The following GOSR2 variants were observed in gnomAD, a reference collection of about 807,000 sequenced individuals.
GOSR2 encodes golgi SNAP receptor complex member 2, also known as 27 kDa Golgi SNARE protein.
GOSR2 carries 20 observed loss-of-function variants against 27.9 expected under a neutral mutation model. The ratio of observed to expected loss-of-function variants is 0.72; its 90% confidence interval spans 0.50 to 1.04. The LOEUF (loss-of-function observed/expected upper bound fraction) is 1.04, where lower values mean the gene tolerates loss of function less well. Ranked by LOEUF, GOSR2 falls within the 50% of genes least tolerant of loss-of-function variation. The pLI is 0.00. For synonymous variants in GOSR2, 91 were observed against 98.8 expected (o/e 0.92, Z 0.47); for missense variants, 261 against 270.5 (o/e 0.97, Z 0.25).
Position 46,941,694 on chromosome 17 carries a change from C to G in GOSR2, c.*2934C>G, listed in dbSNP as rs2089295299. The G allele has an allele frequency of 1.2e-5, 2 of 160,578 alleles. No individual in the cohort carries two copies. The highest frequency in any genetic ancestry group is 4.8e-5 in the African/African-American group (2 of 41,608). 9.9% of individuals were successfully genotyped at this position (160,578 alleles called of 1,614,324 possible). ...GTTCAGGTGATCCTCATACCTCAGC[C>G]TCCTGAGTAGCTGGAACTACAAGTG... On this transcript the variant is annotated 3_prime_UTR_variant, in exon 6 of 6. Transcript: ENST00000640051.
chr17:46,947,770 G>A (rs1383104029), intron 6 of GOSR2, among the ~76,000 whole-genome samples: 5 of 151,550 alleles, frequency 3.3e-5, no homozygotes, highest in African/African-American at 1.2e-4. Context: ...ACTAGAAATA[G>A]TTTTTTTTTC....
At chr17:46,960,291 A>G (rs991114048) in intron 6 of GOSR2, among the ~76,000 whole-genome samples, 2 of 152,232 alleles carry the variant, frequency 1.3e-5, no homozygotes, top group African/African-American at 4.8e-5. Flanking sequence ...TAGACACACA[A>G]TGAGGTGTCA....
chr17:46,963,099 C>T (rs2147311841), intron 6 of GOSR2, among the ~76,000 whole-genome samples: 1 of 152,294 alleles, frequency 6.6e-6, no homozygotes, highest in Middle Eastern at 3.4e-3. Flanking sequence ...CATTATGTGG[C>T]CAAGTGGGAG....
intron 6 of GOSR2, among the ~76,000 whole-genome samples, chr17:46,951,101 C>T (rs181109797): frequency 1.3e-5 from 2 of 152,316 alleles, no homozygotes; most frequent in African/African-American, 2.4e-5. Flanking sequence ...ACGCCAAAGG[C>T]TTCTCCAGCT....
chr17:46,973,579 A>G (rs1268538458), intron 6 of GOSR2, among the ~76,000 whole-genome samples: 2 of 152,150 alleles, frequency 1.3e-5, no homozygotes, highest in African/African-American at 2.4e-5. Context: ...TAATAGAACT[A>G]TGACTGCAAG....
At position 46,940,633 on chromosome 17, in the gene GOSR2, T is replaced by C. The variant is rs754519349; in HGVS notation, c.*1873T>C. ...AGCTGAGCCATTTGTTCTTGAACTC[T>C]GGGAGGCAGAAGTCCCCGCACCCAT... is the stretch of plus-strand genomic sequence containing the variant. On this transcript the variant is annotated 3_prime_UTR_variant, in exon 6 of 6. Coordinates refer to ENST00000640051, the MANE Select transcript of GOSR2 (RefSeq NM_004287.5). The C allele has an allele frequency of 6.2e-7, 1 of 1,614,074 alleles. No individual in the cohort carries two copies. The highest frequency in any genetic ancestry group is 1.3e-5 in the African/African-American group (1 of 75,064).
chr17:46,969,856 C>T (rs1025250577), downstream of GOSR2, among the ~76,000 whole-genome samples: 3 of 152,166 alleles, frequency 2.0e-5, no homozygotes, highest in Non-Finnish European at 4.4e-5. Context: ...TGTTACCTTT[C>T]GCGATCCCCT....
chr17:46,930,765 A>T (rs1034141680), intron 2 of GOSR2: 20 of 233,104 alleles, frequency 8.6e-5, no homozygotes, highest in Admixed American at 7.3e-4. Flanking sequence ...AAAGAGACCT[A>T]TATCAGAAAA....
rs1365698385 is a variant in GOSR2, at chr17:46,941,962, A to G, written c.*3202A>G. The G allele has an allele frequency of 2.0e-6, 2 of 985,084 alleles. No individual in the cohort carries two copies. The highest frequency in any genetic ancestry group is 1.7e-5 in the African/African-American group (1 of 57,222). 61.0% of individuals were successfully genotyped at this position (985,084 alleles called of 1,614,324 possible). On this transcript the variant is annotated 3_prime_UTR_variant, in exon 6 of 6. Transcript: ENST00000640051. ...AAGCTTCTGTCTCAAAGATGATCAC[A>G]TTGGTGTAAAGAGCAAAACTTGTTA...
At position 46,939,447 on chromosome 17, in the gene GOSR2, C is replaced by G; in HGVS notation, c.*687C>G. 3 of 988,648 alleles carry G rather than the reference C, an allele frequency of 3.0e-6. No individual in the cohort carries two copies. The highest frequency in any genetic ancestry group is 3.6e-6 in the Non-Finnish European group (3 of 831,600). 61.2% of individuals were successfully genotyped at this position (988,648 alleles called of 1,614,324 possible). A position where few individuals can be genotyped will look rare whatever the true frequency, so the allele number is the denominator to read the frequency against. ...GTGTTATTTCCCGGGAGTGTTCAGT[C>G]TTGACCCTAGTCACTGATTTTTTCT... is the stretch of plus-strand genomic sequence containing the variant. On this transcript the variant is annotated 3_prime_UTR_variant, in exon 6 of 6. Coordinates refer to ENST00000640051, the MANE Select transcript of GOSR2 (RefSeq NM_004287.5).
At chr17:46,972,160 G>T (rs2091399784) in intron 6 of GOSR2, among the ~76,000 whole-genome samples, 1 of 152,194 alleles carries the variant, frequency 6.6e-6, no homozygotes, top group African/African-American at 2.4e-5. Flanking sequence ...CAGGCTGTGT[G>T]CTGACAGAAC....
At chr17:46,965,966 A>T (rs1030093849) in intron 6 of GOSR2, among the ~76,000 whole-genome samples, 1 of 151,976 alleles carries the variant, frequency 6.6e-6, no homozygotes, top group Non-Finnish European at 1.5e-5. Context: ...TGCTGTTTAT[A>T]ATGATGCAGG....
intron 1 of GOSR2, among the ~76,000 whole-genome samples, chr17:46,928,403 AGAGTCCAGCAGGCC>A (rs1175717100): frequency 6.6e-6 from 1 of 152,118 alleles, no homozygotes; most frequent in Non-Finnish European, 1.5e-5. Context: ...GGATGATGTG[AGAGTCCAGCAGGCC>A]CCCTTCATGT....
intron 1 of GOSR2, chr17:46,923,989 A>T: frequency 2.5e-6 from 1 of 397,198 alleles, no homozygotes. Flanking sequence ...AATATACACA[A>T]CATAAGATTT....
chr17:46,936,768 T>C (rs1375122504), intron 5 of GOSR2: 3 of 983,138 alleles, frequency 3.1e-6, no homozygotes, highest in African/African-American at 3.5e-5. Context: ...GATTGTATTG[T>C]CACTATCTCG....
intron 6 of GOSR2, among the ~76,000 whole-genome samples, chr17:46,957,016 A>G (rs1406374126): frequency 6.6e-6 from 1 of 152,218 alleles, no homozygotes; most frequent in Admixed American, 6.5e-5. Flanking sequence ...AGGTGAATCA[A>G]GACTCCAGAG....
chr17:46,933,832 C>T (rs930190750), intron 4 of GOSR2, among the ~76,000 whole-genome samples: 14 of 151,512 alleles, frequency 9.2e-5, no homozygotes, highest in African/African-American at 2.9e-4. Context: ...GGCGTGGTGG[C>T]GTGAGCCTGT....
Position 46,929,507 on chromosome 17 carries a change from C to A in GOSR2, c.30-13C>A, listed in dbSNP as rs372040024. 5 of 1,461,522 alleles carry A rather than the reference C, an allele frequency of 3.4e-6. No homozygotes were observed. The Admixed American group carries it at 6.7e-5, about 20-fold the overall frequency. 90.5% of individuals were successfully genotyped at this position (1,461,522 alleles called of 1,614,324 possible). A position where few individuals can be genotyped will look rare whatever the true frequency, so the allele number is the denominator to read the frequency against. On this transcript the variant is annotated splice_polypyrimidine_tract_variant and intron_variant, in intron 1 of 5. Coordinates refer to ENST00000640051, the MANE Select transcript of GOSR2 (RefSeq NM_004287.5). The stretch of plus-strand genomic sequence containing the variant: ...CTCCTGTCTCACTCATTTCCTCCCT[C>A]TTCCTTTGATAGGCAGGTCCACGAG...
chr17:46,953,010 C>T (rs992007799), intron 6 of GOSR2, among the ~76,000 whole-genome samples: 3 of 151,776 alleles, frequency 2.0e-5, no homozygotes, highest in African/African-American at 7.3e-5. Flanking sequence ...CCCCCAAATT[C>T]TTTTTGTTTT....
Sources: gnomAD v4.1 joint callset for allele counts (sites outside exome capture counted in the v4.1 genomes callset) on GRCh38, gnomAD v4.1.1 for gene constraint, MANE v1.5 for transcripts, NCBI Gene and HGNC (gene_info 2026-07-23, HGNC 2026-07-21) for gene names.